The following VWA3B variants were observed in gnomAD, a reference collection of about 807,000 sequenced individuals.
The protein encoded by VWA3B is von Willebrand factor A domain-containing protein 3B.
VWA3B carries 138 observed loss-of-function variants against 158.3 expected under a neutral mutation model. The ratio of observed to expected loss-of-function variants is 0.87; its 90% CI spans 0.76 to 1.00. The LOEUF (loss-of-function observed/expected upper bound fraction) is 1.00, where lower values mean the gene tolerates loss of function less well. VWA3B is among the 50% of genes least tolerant of loss of function. The pLI is 0.00. For missense variants in VWA3B, 1,555 were observed against 1,565.1 expected (o/e 0.99, Z 0.11); for synonymous variants, 596 against 587.3 (o/e 1.01, Z -0.21).
chr2:98,233,769 G>C (rs766226624), intron 16 of VWA3B, among the ~76,000 whole-genome samples: 5 of 152,200 alleles, frequency 3.3e-5, no homozygotes, highest in Admixed American at 3.3e-4. Flanking sequence ...GAGAGGGTAA[G>C]TCCTCTCAGT....
At chr2:98,168,354 G>A (rs1679272455) in intron 8 of VWA3B, among the ~76,000 whole-genome samples, 1 of 146,752 alleles carries the variant, frequency 6.8e-6, no homozygotes, top group African/African-American at 2.5e-5. Flanking sequence ...AGTTCCCTTT[G>A]TTTCAATCTA....
At chr2:98,232,558 T>C (rs1387785814) in intron 16 of VWA3B, among the ~76,000 whole-genome samples, 1 of 152,176 alleles carries the variant, frequency 6.6e-6, no homozygotes, top group Non-Finnish European at 1.5e-5. Flanking sequence ...GAAGGTGTGA[T>C]TGTTTTTCTA....
At chr2:98,157,197 T>TAGAAGCAATTA (rs914620457) in intron 7 of VWA3B, among the ~76,000 whole-genome samples, 8 of 152,372 alleles carry the variant, frequency 5.3e-5, no homozygotes, top group African/African-American at 1.7e-4. Flanking sequence ...TTGAAATTGC[T>TAGAAGCAATTA]TCTAAGATAA....
At chr2:98,325,824 C>T in the VWA3B span, among the ~76,000 whole-genome samples, 1 of 152,078 alleles carries the variant, frequency 6.6e-6, no homozygotes, top group African/African-American at 2.4e-5. Flanking sequence ...AGACCAAAAC[C>T]AAAAACCAGT....
intron 14 of VWA3B, among the ~76,000 whole-genome samples, chr2:98,218,699 T>C (rs1684236022): frequency 6.6e-6 from 1 of 152,122 alleles, no homozygotes; most frequent in African/African-American, 2.4e-5. Flanking sequence ...AGGGTGTGTG[T>C]TTTTTGTTTT....
chr2:98,104,160 G>T (rs557267044), intron 2 of VWA3B, among the ~76,000 whole-genome samples: 1 of 152,266 alleles, frequency 6.6e-6, no homozygotes, highest in African/African-American at 2.4e-5. Context: ...AGTTGCATAT[G>T]TCTTAATTAA....
intron 26 of VWA3B, 43 bp from the exon 27 acceptor site, chr2:98,311,776 C>A: frequency 6.6e-7 from 1 of 1,511,278 alleles, no homozygotes; most frequent in South Asian, 1.3e-5. Context: ...GTAGACCCCG[C>A]AGCCATCAAG....
At chr2:98,176,061 A>T (rs1303103792) in intron 8 of VWA3B, among the ~76,000 whole-genome samples, 1 of 152,176 alleles carries the variant, frequency 6.6e-6, no homozygotes, top group Non-Finnish European at 1.5e-5. Flanking sequence ...TCAGATTGGG[A>T]TGGGCTTCAT....
chr2:98,115,446 A>T (rs758975188), intron 2 of VWA3B, among the ~76,000 whole-genome samples: 1 of 152,244 alleles, frequency 6.6e-6, no homozygotes, highest in Non-Finnish European at 1.5e-5. Flanking sequence ...AGTATAATAA[A>T]GAAAAATATT....
chr2:98,193,030 C>G lies in VWA3B; in HGVS notation c.1599C>G (p.Phe533Leu). 6.2e-7 allele frequency: 1 copy of G among 1,612,250 alleles called. No individual in the cohort carries two copies. Among genetic ancestry groups the G allele is most frequent in the Non-Finnish European group, 8.5e-7 (1 of 1,178,964 alleles). ...TGGTGAAGGACAAGATCATTCAGTT[C>G]ATACAGGTTAGATGGAACTGTCGGT... ...LDLVKDKIIQ[F>L]IQEQLKYKSK... Residue 533 changes from phenylalanine to leucine, a missense_variant, in exon 11 of 28, where the codon TTC becomes TTG. Coordinates refer to ENST00000477737, the MANE Select transcript of VWA3B (RefSeq NM_144992.5).
chr2:98,125,597 A>C lies in VWA3B; in HGVS notation c.703-2642A>C, dbSNP rs1675289203. The stretch of plus-strand genomic sequence containing the variant: ...AACAGTATTAAAGCCATTTTGCTTT[A>C]AGAGGCATTTTGCCAGTTTGATGGC... On this transcript the variant is annotated intron_variant, in intron 5 of 27. Coordinates refer to ENST00000477737, the MANE Select transcript of VWA3B (RefSeq NM_144992.5). This position sits in a 1 kb window ranked among gnomAD's most constrained non-coding sequence, Gnocchi z 4.1. 6.6e-6 allele frequency among the ~76,000 whole-genome samples: 1 copy of C among 152,250 alleles called. No homozygotes were observed. Among genetic ancestry groups the C allele is most frequent in the Non-Finnish European group, 1.5e-5 (1 of 68,042 alleles).
chr2:98,091,116 T>A (rs1379318576), intron 1 of VWA3B, among the ~76,000 whole-genome samples: 1 of 152,108 alleles, frequency 6.6e-6, no homozygotes, highest in Non-Finnish European at 1.5e-5. Flanking sequence ...AGAATAAAGA[T>A]TAGCGTTCCG....
At chr2:98,320,166 C>T in the VWA3B span, among the ~76,000 whole-genome samples, 10 of 152,158 alleles carry the variant, frequency 6.6e-5, no homozygotes, top group African/African-American at 2.4e-4. Context: ...CTCATGAGAG[C>T]TGATGGTTTC....
chr2:98,180,856 A>G (rs1680512179), intron 8 of VWA3B, among the ~76,000 whole-genome samples, 160 bp from the exon 9 acceptor site: 1 of 152,246 alleles, frequency 6.6e-6, no homozygotes, highest in African/African-American at 2.4e-5. Context: ...TAAAAGCCTA[A>G]TAATTCTTTG....
chr2:98,323,081 C>T, the VWA3B span, among the ~76,000 whole-genome samples: 3 of 152,100 alleles, frequency 2.0e-5, no homozygotes, highest in African/African-American at 7.2e-5. Flanking sequence ...ATTTAGTAGG[C>T]ATGCAAAGAA....
chr2:98,146,479 C>T (rs531802622), intron 7 of VWA3B, among the ~76,000 whole-genome samples: 11 of 152,260 alleles, frequency 7.2e-5, no homozygotes, highest in African/African-American at 2.2e-4. Context: ...TGATGCTTTG[C>T]GAAGCCCTAC....
At chr2:98,122,537 G>T (rs548635418) in intron 5 of VWA3B, among the ~76,000 whole-genome samples, 2 of 152,218 alleles carry the variant, frequency 1.3e-5, no homozygotes, top group Non-Finnish European at 2.9e-5. Flanking sequence ...AAGCTAGTTT[G>T]TTCCTTGGTC....
chr2:98,219,999 C>CA (rs1338347609), intron 14 of VWA3B, among the ~76,000 whole-genome samples: 2 of 151,522 alleles, frequency 1.3e-5, no homozygotes, highest in East Asian at 1.9e-4. Context: ...CCCACCTCTA[C>CA]AAAAAATATA....
chr2:98,252,587 G>A (rs1347706275), intron 20 of VWA3B, among the ~76,000 whole-genome samples: 1 of 152,104 alleles, frequency 6.6e-6, no homozygotes, highest in East Asian at 1.9e-4. Context: ...CTATCTCACA[G>A]GTCTGTTGTG....
Sources: gnomAD v4.1 joint callset for allele counts (sites outside exome capture counted in the v4.1 genomes callset) on GRCh38, gnomAD v4.1.1 for gene constraint, Gnocchi (gnomAD v3.1) non-coding constraint, MANE v1.5 for transcripts, NCBI Gene and HGNC (gene_info 2026-07-23, HGNC 2026-07-21) for gene names.